The following SCHIP1 variants were observed in gnomAD, a reference collection of about 807,000 sequenced individuals.
SCHIP1 encodes the protein schwannomin interacting protein 1.
SCHIP1 carries 8 observed loss-of-function variants against 29.7 expected under a neutral mutation model. The ratio of observed to expected loss-of-function variants is 0.27; its 90% CI spans 0.16 to 0.49. The LOEUF (loss-of-function observed/expected upper bound fraction) is 0.49, where lower values mean the gene tolerates loss of function less well. Ranked by LOEUF, SCHIP1 falls within the 20% of genes least tolerant of loss-of-function variation. The probability of loss-of-function intolerance (pLI) is 0.99; values close to 1 mark genes in which losing one functional copy is unlikely to be tolerated. For synonymous variants in SCHIP1, 76 were observed against 94.9 expected, an observed-to-expected ratio of 0.80 and a Z score of 1.16; for missense variants, 193 against 294.6, an observed-to-expected ratio of 0.66 and a Z score of 2.52.
At chr3:159,826,552 G>C in the SCHIP1 span, among the ~76,000 whole-genome samples, 3 of 152,152 alleles carry the variant, frequency 2.0e-5, no homozygotes, top group African/African-American at 7.2e-5. Context: ...GGATATTTGG[G>C]CATGGTAGAT....
At chr3:159,765,899 A>G in the SCHIP1 span, among the ~76,000 whole-genome samples, 1 of 152,166 alleles carries the variant, frequency 6.6e-6, no homozygotes, top group Non-Finnish European at 1.5e-5. Flanking sequence ...CAGGAAAGCC[A>G]GACAGGGAGG....
At chr3:159,291,449 C>G in the SCHIP1 span, among the ~76,000 whole-genome samples, 1 of 151,990 alleles carries the variant, frequency 6.6e-6, no homozygotes, top group African/African-American at 2.4e-5. Flanking sequence ...TTACAAAGTT[C>G]CAGGCAATAA....
the SCHIP1 span, among the ~76,000 whole-genome samples, chr3:159,423,638 C>T: frequency 1.3e-5 from 2 of 152,126 alleles, no homozygotes; most frequent in Admixed American, 1.3e-4. Flanking sequence ...AGCGCACAGA[C>T]AAACAAAAAG....
chr3:159,306,696 A>G, the SCHIP1 span: 2 of 265,516 alleles, frequency 7.5e-6, no homozygotes, highest in Non-Finnish European at 1.2e-5. Context: ...GAGAAGATGT[A>G]TATTTAAAAT....
the SCHIP1 span, among the ~76,000 whole-genome samples, chr3:159,292,855 G>A: frequency 3.3e-5 from 5 of 152,240 alleles, no homozygotes; most frequent in South Asian, 2.1e-4. Flanking sequence ...TTTTGTTTTA[G>A]GGAATCATGG....
chr3:159,529,269 C>T, the SCHIP1 span, among the ~76,000 whole-genome samples: 1 of 152,124 alleles, frequency 6.6e-6, no homozygotes, highest in Non-Finnish European at 1.5e-5. Flanking sequence ...TAGAAAATAA[C>T]TTCTTCGCCT....
At chr3:159,596,129 G>T in the SCHIP1 span, among the ~76,000 whole-genome samples, 1 of 152,130 alleles carries the variant, frequency 6.6e-6, no homozygotes. Context: ...CCATCCAAAA[G>T]TGGGCAAAGG....
chr3:159,818,135 A>G, the SCHIP1 span, among the ~76,000 whole-genome samples: 1 of 107,552 alleles, frequency 9.3e-6, no homozygotes, highest in South Asian at 3.0e-4. Context: ...TGGATCGAGG[A>G]GTAAGCTGCT....
At chr3:159,331,849 A>G in the SCHIP1 span, among the ~76,000 whole-genome samples, 1 of 152,144 alleles carries the variant, frequency 6.6e-6, no homozygotes, top group African/African-American at 2.4e-5. Context: ...GCTTAAAGTC[A>G]TTGATGATAG....
the SCHIP1 span, among the ~76,000 whole-genome samples, chr3:159,606,084 A>G: frequency 6.6e-6 from 1 of 152,304 alleles, no homozygotes; most frequent in East Asian, 1.9e-4. Context: ...TCTGTTCATA[A>G]AATACTGCAG....
At chr3:159,629,549 G>C in the SCHIP1 span, among the ~76,000 whole-genome samples, 1 of 152,150 alleles carries the variant, frequency 6.6e-6, no homozygotes, top group Non-Finnish European at 1.5e-5. Context: ...ACAGCAAATT[G>C]TGATTTCCAG....
At chr3:159,675,028 T>C in the SCHIP1 span, among the ~76,000 whole-genome samples, 1 of 152,218 alleles carries the variant, frequency 6.6e-6, no homozygotes, top group Non-Finnish European at 1.5e-5. Flanking sequence ...GGCCACAGAC[T>C]GGTTTGTGCT....
chr3:159,395,547 A>ATCTT, the SCHIP1 span, among the ~76,000 whole-genome samples: 4 of 151,760 alleles, frequency 2.6e-5, no homozygotes, highest in African/African-American at 9.7e-5. Context: ...TTCAAAGAAC[A>ATCTT]TCTTTATTTC....
the SCHIP1 span, among the ~76,000 whole-genome samples, chr3:159,794,273 G>C: frequency 6.6e-6 from 1 of 152,024 alleles, no homozygotes; most frequent in Non-Finnish European, 1.5e-5. Flanking sequence ...GGAAGATTTT[G>C]TAAAGTCTCT....
At chr3:159,315,015 A>C in the SCHIP1 span, among the ~76,000 whole-genome samples, 180 of 152,310 alleles carry the variant, frequency 1.2e-3, 3 homozygotes, top group South Asian at 7.0e-3. Flanking sequence ...TTGCATGTAC[A>C]TATAGCCAAG....
chr3:159,427,743 C>T, the SCHIP1 span, among the ~76,000 whole-genome samples: 181 of 152,220 alleles, frequency 1.2e-3, 1 homozygote, highest in Admixed American at 9.6e-3. Flanking sequence ...CCGAGTCAAT[C>T]CTAAGCCAAA....
chr3:159,316,387 T>G, the SCHIP1 span, among the ~76,000 whole-genome samples: 1 of 152,162 alleles, frequency 6.6e-6, no homozygotes, highest in South Asian at 2.1e-4. Flanking sequence ...GGCCCATCTC[T>G]CTTTTTCACA....
At chr3:159,489,100 G>T in the SCHIP1 span, among the ~76,000 whole-genome samples, 3 of 152,158 alleles carry the variant, frequency 2.0e-5, no homozygotes, top group African/African-American at 7.2e-5. Context: ...TTCAAATTTT[G>T]ATTAAGTGAT....
the SCHIP1 span, among the ~76,000 whole-genome samples, chr3:159,690,594 C>T: frequency 2.0e-5 from 3 of 152,176 alleles, no homozygotes; most frequent in East Asian, 1.9e-4. Context: ...CCTCTATATC[C>T]TTCAGTTCTG....
Sources: allele counts gnomAD v4.1 joint callset (sites outside exome capture counted in the v4.1 genomes callset), GRCh38; gene constraint gnomAD v4.1.1; transcripts MANE v1.5; gene names NCBI Gene and HGNC (gene_info 2026-07-23, HGNC 2026-07-21).